Variants in GRIP1 observed in about 807,000 individuals in gnomAD.
The protein encoded by GRIP1 is glutamate receptor-interacting protein 1.
A neutral mutation model predicts 129.9 loss-of-function variants in GRIP1; 45 were observed. The observed-to-expected ratio is 0.35, with a 90% confidence interval of 0.27 to 0.44. The LOEUF (loss-of-function observed/expected upper bound fraction) is 0.44, where lower values mean the gene tolerates loss of function less well. Among genes scored for constraint, GRIP1 ranks in the 20% least tolerant of loss-of-function variants. GRIP1 has a pLI of 1.00. For missense variants in GRIP1, 1,196 were observed against 1,396.8 expected, an observed-to-expected ratio of 0.86 and a Z score of 2.29; for synonymous variants, 530 against 520.8, an observed-to-expected ratio of 1.02 and a Z score of -0.24.
rs373011365 is a variant in GRIP1, at chr12:66,541,932, G to A, written c.155C>T (p.Thr52Ile). 9.9e-6 allele frequency: 16 copies of A among 1,613,844 alleles called. No individual in the cohort carries two copies. The highest frequency in any genetic ancestry group is 1.4e-5 in the Non-Finnish European group (16 of 1,179,846). The change falls in exon 3 of 25, where the codon ACA (threonine) becomes ATA (isoleucine). Residue 52 changes from threonine to isoleucine, a missense_variant. Thr to Ile is a moderately conservative substitution (Grantham distance 89, BLOSUM62 -1). Around this residue, in one of 5 missense-constraint regions of GRIP1, gnomAD observed 217 missense variants for 224.8 expected, o/e 0.97. Coordinates refer to ENST00000359742, the MANE Select transcript of GRIP1 (RefSeq NM_001366722.1). ...QSIPEEFKGS[T>I]VVELMKKEGT... ...TTCCTTCTTCATCAGCTCGACGACTGTGGAGCCCTTGAATTCCTCTGTTAA... is the reference window on the plus strand; with the variant it reads ...TTCCTTCTTCATCAGCTCGACGACTATGGAGCCCTTGAATTCCTCTGTTAA...
At chr12:66,407,695 T>C (rs80192905) in intron 15 of GRIP1, among the ~76,000 whole-genome samples, 2,078 of 152,250 alleles carry the variant, frequency 0.014, 45 homozygotes, top group African/African-American at 0.047. Flanking sequence ...GGTCAGAACT[T>C]GAGTTCCAAC....
At chr12:67,041,699 T>C (rs997685450) in intron 1 of GRIP1, among the ~76,000 whole-genome samples, 2 of 152,036 alleles carry the variant, frequency 1.3e-5, no homozygotes, top group Admixed American at 6.6e-5. Context: ...GTAAATAAAT[T>C]TGACAACTTT....
At chr12:66,723,292 CTTTCTTTCTTTCT>C (rs2036139662) in intron 1 of GRIP1, among the ~76,000 whole-genome samples, 21 of 28,300 alleles carry the variant, frequency 7.4e-4, no homozygotes, top group African/African-American at 1.6e-3. Flanking sequence ...TCCTTTCTTT[CTTTCTTTCTTTCT>C]TTTTTTTTTT....
chr12:66,947,858 CATTTGCA>C (rs2041696315), intron 1 of GRIP1, among the ~76,000 whole-genome samples: 1 of 152,214 alleles, frequency 6.6e-6, no homozygotes, highest in Non-Finnish European at 1.5e-5. Flanking sequence ...CTTTAAGCAA[CATTTGCA>C]GCTGAAATGA....
chr12:66,867,555 A>G (rs2040227659), intron 1 of GRIP1, among the ~76,000 whole-genome samples: 2 of 152,190 alleles, frequency 1.3e-5, no homozygotes, highest in South Asian at 2.1e-4. Flanking sequence ...GTAGAGATAC[A>G]CAGTGCTATT....
intron 1 of GRIP1, among the ~76,000 whole-genome samples, chr12:67,002,168 C>T (rs1422802260): frequency 1.3e-5 from 2 of 152,122 alleles, no homozygotes; most frequent in Admixed American, 6.6e-5. Flanking sequence ...AGTACTTTCG[C>T]TATTATTAGA....
chr12:67,010,057 A>G (rs1394812424), intron 1 of GRIP1, among the ~76,000 whole-genome samples: 1 of 152,176 alleles, frequency 6.6e-6, no homozygotes, highest in African/African-American at 2.4e-5. Context: ...TTTGGTGTCA[A>G]TTTAGGCAAG....
At chr12:66,743,934 C>T (rs2036867099) in intron 1 of GRIP1, among the ~76,000 whole-genome samples, 2 of 152,148 alleles carry the variant, frequency 1.3e-5, no homozygotes, top group South Asian at 4.1e-4. Context: ...CTCAAAAATA[C>T]AGATCCTATA....
chr12:66,694,240 G>A (rs189033206), intron 1 of GRIP1, among the ~76,000 whole-genome samples: 84 of 152,300 alleles, frequency 5.5e-4, no homozygotes, highest in South Asian at 3.3e-3. Flanking sequence ...CCTGACATGG[G>A]CTAAGCATTT....
intron 1 of GRIP1, among the ~76,000 whole-genome samples, chr12:66,959,018 G>A (rs1262616402): frequency 6.6e-6 from 1 of 152,140 alleles, no homozygotes; most frequent in African/African-American, 2.4e-5. Context: ...ATTCCTAGAT[G>A]GATGAACAAC....
At chr12:66,861,243 T>C (rs1053210548) in intron 1 of GRIP1, among the ~76,000 whole-genome samples, 1 of 152,148 alleles carries the variant, frequency 6.6e-6, no homozygotes, top group African/African-American at 2.4e-5. Context: ...TACCCTACGC[T>C]GTAATGTTAA....
At chr12:67,008,155 G>C (rs187301603) in intron 1 of GRIP1, among the ~76,000 whole-genome samples, 2 of 152,208 alleles carry the variant, frequency 1.3e-5, no homozygotes, top group African/African-American at 2.4e-5. Context: ...TCTATTCATT[G>C]AAAAGTTAGT....
intron 1 of GRIP1, among the ~76,000 whole-genome samples, chr12:66,907,947 T>C (rs577790084): frequency 2.0e-5 from 3 of 151,976 alleles, no homozygotes; most frequent in Non-Finnish European, 4.4e-5. Flanking sequence ...GGATTGCCCT[T>C]CAAGATGACA....
intron 7 of GRIP1, among the ~76,000 whole-genome samples, chr12:66,467,195 G>A (rs1023351612): frequency 6.6e-6 from 1 of 152,108 alleles, no homozygotes. Flanking sequence ...TATCTGCAAG[G>A]AGCCAAAGGT....
At chr12:66,767,066 T>C (rs774158089) in intron 1 of GRIP1, among the ~76,000 whole-genome samples, 7 of 152,316 alleles carry the variant, frequency 4.6e-5, no homozygotes, top group Non-Finnish European at 8.8e-5. Context: ...ATATAAAATC[T>C]GAAATGATTT....
intron 16 of GRIP1, among the ~76,000 whole-genome samples, chr12:66,400,963 T>C (rs2056964798): frequency 6.6e-6 from 1 of 152,128 alleles, no homozygotes; most frequent in Non-Finnish European, 1.5e-5. Flanking sequence ...TTTGCATTGC[T>C]GATTGGGTAT....
intron 14 of GRIP1, among the ~76,000 whole-genome samples, chr12:66,430,516 G>A (rs921670875): frequency 2.0e-5 from 3 of 152,100 alleles, no homozygotes; most frequent in African/African-American, 7.2e-5. Flanking sequence ...AAACACTCAT[G>A]CAAAACAAAA....
chr12:66,559,743 T>C (rs1159764917), intron 2 of GRIP1, among the ~76,000 whole-genome samples: 2 of 152,162 alleles, frequency 1.3e-5, no homozygotes, highest in Non-Finnish European at 2.9e-5. Flanking sequence ...GATGTCATAC[T>C]ACGGAAAGCA....
intron 19 of GRIP1, among the ~76,000 whole-genome samples, chr12:66,387,251 A>G (rs2056396956): frequency 6.6e-6 from 1 of 152,232 alleles, no homozygotes; most frequent in Non-Finnish European, 1.5e-5. Flanking sequence ...CCCATCTGGC[A>G]TCAAGGTAAA....
Sources: allele counts gnomAD v4.1 joint callset (sites outside exome capture counted in the v4.1 genomes callset), GRCh38; gene constraint gnomAD v4.1.1; regional missense constraint gnomAD v4.1.1; transcripts MANE v1.5; gene names NCBI Gene and HGNC (gene_info 2026-07-23, HGNC 2026-07-21).